The following PTPRK variants were observed in gnomAD, a reference collection of about 807,000 sequenced individuals.
PTPRK encodes protein tyrosine phosphatase receptor type K.
A neutral mutation model predicts 178.0 loss-of-function variants in PTPRK; 75 were observed. The ratio of observed to expected loss-of-function variants is 0.42; its 90% CI spans 0.35 to 0.51. The LOEUF is 0.51. Ranked by LOEUF, PTPRK falls within the 20% of genes least tolerant of loss-of-function variation. The probability of loss-of-function intolerance (pLI) is 0.02; values close to 1 mark genes in which losing one functional copy is unlikely to be tolerated. For missense variants in PTPRK, 1,441 were observed against 1,797.8 expected, an observed-to-expected ratio of 0.80 and a Z score of 3.59; for synonymous variants, 637 against 620.6, an observed-to-expected ratio of 1.03 and a Z score of -0.39.
At chr6:128,441,826 A>G (rs1378080795) in intron 1 of PTPRK, among the ~76,000 whole-genome samples, 1 of 152,230 alleles carries the variant, frequency 6.6e-6, no homozygotes, top group Non-Finnish European at 1.5e-5. Flanking sequence ...AAAGATTATG[A>G]AAGCACAAAT....
intron 1 of PTPRK, among the ~76,000 whole-genome samples, chr6:128,467,905 T>C (rs887710137): frequency 6.6e-6 from 1 of 151,904 alleles, no homozygotes; most frequent in East Asian, 1.9e-4. Flanking sequence ...AATTTTTCCT[T>C]AGTATCAATA....
In PTPRK at chr6:128,380,386, C is replaced by G. The variant is rs563977991; in HGVS notation, c.223+17180G>C. Among the ~76,000 whole-genome samples the G allele has an allele frequency of 4.6e-5, 7 of 152,110 alleles. No homozygotes were observed. In the South Asian group the frequency reaches 1.5e-3, roughly 32 times the overall value. The stretch of plus-strand genomic sequence containing the variant: ...GATGAGCAAAGTGGGAGTTTTGTTT[C>G]CCCTTATAAACGCAACCTTCCCCAA... On this transcript the variant is annotated intron_variant, in intron 2 of 29. Transcript: ENST00000368226.
intron 6 of PTPRK, among the ~76,000 whole-genome samples, chr6:128,196,223 T>A (rs1003846654): frequency 5.9e-5 from 9 of 152,092 alleles, no homozygotes; most frequent in African/African-American, 1.9e-4. Context: ...ATGGTTACTA[T>A]AAGGACTTCT....
At chr6:128,372,298 T>C (rs1454015758) in intron 2 of PTPRK, among the ~76,000 whole-genome samples, 4 of 152,168 alleles carry the variant, frequency 2.6e-5, no homozygotes, top group Non-Finnish European at 5.9e-5. Context: ...GAAATGGTGA[T>C]AAAAATAAAT....
At chr6:128,287,106 C>T (rs540061022) in intron 3 of PTPRK, among the ~76,000 whole-genome samples, 1 of 152,188 alleles carries the variant, frequency 6.6e-6, no homozygotes, top group East Asian at 1.9e-4. Flanking sequence ...GTTCCTTGCC[C>T]TACAATGTCT....
chr6:128,000,356 C>A, intron 15 of PTPRK: 1 of 1,248,670 alleles, frequency 8.0e-7, no homozygotes. Context: ...AAAAAAGAAC[C>A]CTACAATCAG....
At chr6:128,228,687 C>G (rs1211932165) in intron 5 of PTPRK, among the ~76,000 whole-genome samples, 1 of 146,274 alleles carries the variant, frequency 6.8e-6, no homozygotes, top group Admixed American at 6.8e-5. Context: ...AAAACAACAA[C>G]AACAACAAAA....
chr6:128,517,034 TAAAC>T (rs1858154241), intron 1 of PTPRK, among the ~76,000 whole-genome samples: 1 of 151,190 alleles, frequency 6.6e-6, no homozygotes, highest in Admixed American at 6.6e-5. Context: ...ATAACTATGT[TAAAC>T]AATAATTAAA....
chr6:128,498,203 A>G (rs1204029607), intron 1 of PTPRK, among the ~76,000 whole-genome samples: 1 of 152,182 alleles, frequency 6.6e-6, no homozygotes, highest in East Asian at 1.9e-4. Flanking sequence ...TCTCCCATCC[A>G]AACTACGGAC....
intron 2 of PTPRK, among the ~76,000 whole-genome samples, chr6:128,338,754 G>A (rs955179285): frequency 1.3e-5 from 2 of 152,116 alleles, no homozygotes; most frequent in African/African-American, 4.8e-5. Flanking sequence ...TCTGAATTGT[G>A]ATTTGGTCAC....
chr6:128,451,973 TGCC>T (rs1847851733), intron 1 of PTPRK, among the ~76,000 whole-genome samples: 1 of 152,182 alleles, frequency 6.6e-6, no homozygotes, highest in Non-Finnish European at 1.5e-5. Context: ...ACCTACCAAA[TGCC>T]AAGCACCATG....
intron 6 of PTPRK, among the ~76,000 whole-genome samples, chr6:128,214,570 T>C (rs1003558317): frequency 6.6e-6 from 1 of 151,892 alleles, no homozygotes; most frequent in African/African-American, 2.4e-5. Flanking sequence ...ATTATTATTA[T>C]TTTGATAGTT....
In PTPRK at chr6:127,981,272, G is replaced by C. The variant is rs35140919; in HGVS notation, c.3555C>G (p.Thr1185=). Residue 1185 remains threonine, a synonymous_variant, in exon 25 of 30, where the codon ACC becomes ACG. Coordinates refer to ENST00000368226, the MANE Select transcript of PTPRK (RefSeq NM_002844.4). The part of the protein sequence containing the change: ...KDEFQTLNSV[T]PRLQAEDCSI... ...TGCAGTCTTCAGCTTGTAGTCGAGGGGTGACTGAATTCAGAGTCTAAAAAG... is the reference window on the plus strand; with the variant it reads ...TGCAGTCTTCAGCTTGTAGTCGAGGCGTGACTGAATTCAGAGTCTAAAAAG... The C allele has an allele frequency of 2.6e-3, 4,237 of 1,613,296 alleles. 127 individuals are homozygous for C. In the African/African-American group the frequency reaches 0.05, roughly 19 times the overall value.
chr6:128,032,817 G>A (rs1775566123), intron 13 of PTPRK, among the ~76,000 whole-genome samples: 1 of 152,112 alleles, frequency 6.6e-6, no homozygotes, highest in East Asian at 1.9e-4. Flanking sequence ...TCAGCTTAGT[G>A]CATATTATAT....
intron 19 of PTPRK, 57 bp downstream of exon 19, chr6:127,992,616 C>A (rs1776735842): frequency 2.1e-6 from 3 of 1,436,044 alleles, no homozygotes. Context: ...AAAACCACCA[C>A]ATAGATGAAT....
At chr6:128,284,864 G>T (rs1822215849) in intron 3 of PTPRK, among the ~76,000 whole-genome samples, 1 of 152,106 alleles carries the variant, frequency 6.6e-6, no homozygotes, top group Admixed American at 6.6e-5. Context: ...GGGGTCTGTT[G>T]TCAACTTTAA....
intron 7 of PTPRK, among the ~76,000 whole-genome samples, chr6:128,171,477 C>T (rs933346169): frequency 3.9e-5 from 6 of 151,968 alleles, no homozygotes; most frequent in African/African-American, 1.4e-4. Context: ...CCTGCCAAAC[C>T]ATTTCTCACT....
At chr6:128,128,083 T>C (rs1793662426) in intron 7 of PTPRK, among the ~76,000 whole-genome samples, 1 of 152,208 alleles carries the variant, frequency 6.6e-6, no homozygotes, top group African/African-American at 2.4e-5. Context: ...CCAATGAAGT[T>C]TAGTTTTTGC....
intron 7 of PTPRK, among the ~76,000 whole-genome samples, chr6:128,112,355 A>T (rs952233103): frequency 6.6e-6 from 1 of 152,136 alleles, no homozygotes; most frequent in African/African-American, 2.4e-5. Flanking sequence ...TCTTTAAGTG[A>T]ATATTATAAC....
Sources: gnomAD v4.1 joint callset for allele counts (sites outside exome capture counted in the v4.1 genomes callset) on GRCh38, gnomAD v4.1.1 for gene constraint, MANE v1.5 for transcripts, NCBI Gene and HGNC (gene_info 2026-07-23, HGNC 2026-07-21) for gene names.